Variants in AKR7A3 observed in about 807,000 individuals in gnomAD.
AKR7A3 encodes AFB1 aldehyde reductase 2.
In AKR7A3, 37 loss-of-function variants were observed where a neutral mutation model predicts 32.5. The ratio of observed to expected loss-of-function variants is 1.14; its 90% CI spans 0.88 to 1.50. The LOEUF is 1.50. AKR7A3 is among the 40% of genes most tolerant of loss of function. The pLI is 0.00. For synonymous variants in AKR7A3, 177 were observed against 188.4 expected (o/e 0.94, Z 0.50); for missense variants, 412 against 453.2 (o/e 0.91, Z 0.83).
rs776836148 is a variant in AKR7A3, at chr1:19,288,637, C to A, written c.73G>T (p.Ala25Ser). Residue 25 changes from alanine (A) to serine (S), a missense_variant, in exon 1 of 7, where the codon GCG (alanine) becomes TCG (serine). By Grantham distance (99) the Ala-to-Ser change is moderately conservative. Coordinates refer to ENST00000361640, the MANE Select transcript of AKR7A3 (RefSeq NM_012067.3). ...GAMEMGRRMD[A>S]PTSAAVTRAF... The stretch of plus-strand genomic sequence containing the variant: ...CGCGTGACTGCGGCGCTGGTGGGCG[C>A]GTCCATGCGGCGCCCCATCTCCATG... 1.7e-5 allele frequency: 27 copies of A among 1,551,924 alleles called. 1 individual carries two copies. Among genetic ancestry groups the A allele is most frequent in the Non-Finnish European group, 2.3e-5 (27 of 1,150,146 alleles).
chr1:19,278,937 G>A (rs56939367), downstream of AKR7A3, among the ~76,000 whole-genome samples: 4,693 of 151,918 alleles, frequency 0.031, 351 homozygotes, highest in African/African-American at 0.11. Context: ...CCTTGTAGGT[G>A]TTTCATTACT....
chr1:19,287,299 C>A lies in AKR7A3; in HGVS notation c.215-927G>T, dbSNP rs112015906. Among the ~76,000 whole-genome samples, 11 of 139,162 alleles carry A rather than the reference C, an allele frequency of 7.9e-5. 1 individual carries two copies. The highest frequency in any genetic ancestry group is 2.6e-4 in the African/African-American group (9 of 34,180). The allele number at this position is 139,162 out of a possible 152,430, so 91.3% of individuals were successfully genotyped here. A position where few individuals can be genotyped will look rare whatever the true frequency, so the allele number is the denominator to read the frequency against. Reference sequence around the variant, plus strand: ...TCCAGCCTGGGCAAAAAAGCAAGACCCTGTCTCAAAAAAAAAAAAAAAATC... The same window carrying A: ...TCCAGCCTGGGCAAAAAAGCAAGACACTGTCTCAAAAAAAAAAAAAAAATC... On this transcript the variant is annotated intron_variant, in intron 1 of 6. Transcript: ENST00000361640.
intron 5 of AKR7A3, 26 bp downstream of exon 5, chr1:19,284,660 A>T: frequency 6.2e-7 from 1 of 1,611,550 alleles, no homozygotes; most frequent in Non-Finnish European, 8.5e-7. Context: ...CACCCCAGCC[A>T]TCCACACCAA....
chr1:19,284,882 A>AG (rs140674340), intron 4 of AKR7A3, 97 bp from the exon 5 acceptor site: 58,090 of 1,565,308 alleles, frequency 0.037, 1,263 homozygotes, highest in South Asian at 0.055. Context: ...GGGACCCAGG[A>AG]GGGCTGAAGA....
the AKR7A3 span, among the ~76,000 whole-genome samples, chr1:19,275,782 G>A: frequency 6.6e-6 from 1 of 151,784 alleles, no homozygotes; most frequent in African/African-American, 2.4e-5. Flanking sequence ...TCCAACCTGG[G>A]CAGCAGATTG....
At chr1:19,287,527 CCTCACTATG>C (rs2093732907) in intron 1 of AKR7A3, among the ~76,000 whole-genome samples, 1 of 151,846 alleles carries the variant, frequency 6.6e-6, no homozygotes, top group Non-Finnish European at 1.5e-5. Context: ...ATTTCCCAGC[CCTCACTATG>C]TGCCTGCCAG....
chr1:19,285,751 A>T, intron 3 of AKR7A3, 137 bp downstream of exon 3: 1 of 1,020,340 alleles, frequency 9.8e-7, no homozygotes, highest in South Asian at 1.4e-5. Context: ...TCCTGAGGGT[A>T]CCTGGGAGCC....
downstream of AKR7A3, among the ~76,000 whole-genome samples, chr1:19,281,079 C>A (rs2093718131): frequency 6.6e-6 from 1 of 151,450 alleles, no homozygotes; most frequent in Admixed American, 6.6e-5. Flanking sequence ...CTCACTCTGT[C>A]ACCCAGGCTG....
chr1:19,288,443 T>C, intron 1 of AKR7A3, 53 bp downstream of exon 1: 1 of 1,583,660 alleles, frequency 6.3e-7, no homozygotes. Flanking sequence ...TACACGGCTG[T>C]GGACAGGCTC....
chr1:19,282,636 C>G lies in AKR7A3; in HGVS notation c.*95G>C. On this transcript the variant is annotated 3_prime_UTR_variant, in exon 7 of 7. Coordinates refer to ENST00000361640, the MANE Select transcript of AKR7A3 (RefSeq NM_012067.3). ...TAGGTTTTTGTCCAAATACTTCCATCCCTAAGAATTTACTGAGGCAGTTCT... is the reference window on the plus strand; with the variant it reads ...TAGGTTTTTGTCCAAATACTTCCATGCCTAAGAATTTACTGAGGCAGTTCT... 3 of 1,580,662 alleles carry G rather than the reference C, an allele frequency of 1.9e-6. No homozygotes were observed. The highest frequency in any genetic ancestry group is 2.3e-5 in the South Asian group (2 of 88,154).
At chr1:19,282,258 G>C (rs761410641), downstream of AKR7A3, among the ~76,000 whole-genome samples, 1 of 151,786 alleles carries the variant, frequency 6.6e-6, no homozygotes, top group Non-Finnish European at 1.5e-5. Context: ...CACATGAATG[G>C]CTTGGTGCCA....
chr1:19,281,891 C>T (rs1407412642), downstream of AKR7A3, among the ~76,000 whole-genome samples: 3 of 151,986 alleles, frequency 2.0e-5, no homozygotes, highest in African/African-American at 7.3e-5. Flanking sequence ...TTTCTTTTGG[C>T]TGATTCCCCT....
At chr1:19,277,350 G>T in the AKR7A3 span, among the ~76,000 whole-genome samples, 14 of 151,814 alleles carry the variant, frequency 9.2e-5, 1 homozygote, top group Non-Finnish European at 1.6e-4. Flanking sequence ...AATAACCCAT[G>T]GATCAAAGAT....
At chr1:19,276,580 T>A in the AKR7A3 span, among the ~76,000 whole-genome samples, 1 of 151,332 alleles carries the variant, frequency 6.6e-6, no homozygotes, top group Non-Finnish European at 1.5e-5. Flanking sequence ...GGCAGGCAGA[T>A]CACTTGAGGT....
chr1:19,288,699 T>A lies in AKR7A3; in HGVS notation c.11A>T (p.Gln4Leu). The A allele has an allele frequency of 1.3e-6, 2 of 1,501,156 alleles. No individual in the cohort carries two copies. The highest frequency in any genetic ancestry group is 2.5e-5 in the South Asian group (2 of 79,134). 93.0% of individuals were successfully genotyped at this position (1,501,156 alleles called of 1,614,324 possible). Residue 4 changes from glutamine to leucine, a missense_variant, in exon 1 of 7, where the codon CAG becomes CTG. Coordinates refer to ENST00000361640, the MANE Select transcript of AKR7A3 (RefSeq NM_012067.3). Reference protein sequence around the residue: MSRQLSRARPATVL... With the variant: MSRLLSRARPATVL... ...CGTGGCTGGCCGGGCCCGCGACAGC[T>A]GCCGGGACATGACGGCGGCAACGGG...
At chr1:19,284,849 G>A (rs946311519) in intron 4 of AKR7A3, 64 bp from the exon 5 acceptor site, 1 of 1,585,774 alleles carries the variant, frequency 6.3e-7, no homozygotes, top group African/African-American at 1.4e-5. Context: ...CATCCCTCAG[G>A]GCTCTGGTCT....
downstream of AKR7A3, among the ~76,000 whole-genome samples, chr1:19,278,054 ATACT>A (rs895825072): frequency 1.3e-5 from 2 of 151,910 alleles, no homozygotes; most frequent in African/African-American, 4.9e-5. Flanking sequence ...ATCCAAAGTC[ATACT>A]TACTCCAGTA....
At position 19,282,954 on chromosome 1, in the gene AKR7A3, G is replaced by A. The variant is rs117166526; in HGVS notation, c.835-62C>T. The A allele has an allele frequency of 5.7e-4, 899 of 1,588,802 alleles. 17 individuals are homozygous for A. In the East Asian group the frequency reaches 0.017, roughly 30 times the overall value. ...CTGCACAGCGACTCTACTCACAGCCGTCCCAGCCACCTCCCTGCTGAGATT... is the reference window on the plus strand; with the variant it reads ...CTGCACAGCGACTCTACTCACAGCCATCCCAGCCACCTCCCTGCTGAGATT... On this transcript the variant is annotated intron_variant, in intron 6 of 6. Transcript: ENST00000361640.
At chr1:19,277,113 C>CA in the AKR7A3 span, among the ~76,000 whole-genome samples, 4,284 of 149,010 alleles carry the variant, frequency 0.029, 78 homozygotes, top group South Asian at 0.055. Context: ...GACTCCGTCT[C>CA]AAAAAAAAGA....
Sources: allele counts gnomAD v4.1 joint callset (sites outside exome capture counted in the v4.1 genomes callset), GRCh38; gene constraint gnomAD v4.1.1; transcripts MANE v1.5; gene names NCBI Gene and HGNC (gene_info 2026-07-23, HGNC 2026-07-21).